Variants in TBC1D22A observed in about 807,000 individuals in gnomAD.
The protein encoded by TBC1D22A is putative GTPase activator.
In TBC1D22A, 38 loss-of-function variants were observed where a neutral mutation model predicts 60.2. That is an observed-to-expected ratio of 0.63 (90% confidence interval 0.49 to 0.83). The LOEUF (loss-of-function observed/expected upper bound fraction) is 0.83, where lower values mean the gene tolerates loss of function less well. TBC1D22A is among the 40% of genes least tolerant of loss of function. TBC1D22A has a pLI of 0.00. For missense variants in TBC1D22A, 628 were observed against 701.0 expected, an observed-to-expected ratio of 0.90 and a Z score of 1.18; for synonymous variants, 302 against 281.7, an observed-to-expected ratio of 1.07 and a Z score of -0.72.
At chr22:46,974,230 G>A (rs780424057) in intron 8 of TBC1D22A, 60 bp from the exon 9 acceptor site, 67 of 1,439,598 alleles carry the variant, frequency 4.7e-5, no homozygotes, top group African/African-American at 9.9e-5. Context: ...GGGCCCCCTC[G>A]TGGGTCGAGG....
At chr22:46,855,171 G>C (rs1418577911) in intron 4 of TBC1D22A, among the ~76,000 whole-genome samples, 1 of 152,126 alleles carries the variant, frequency 6.6e-6, no homozygotes, top group Non-Finnish European at 1.5e-5. Context: ...GGGAAGTGCT[G>C]GTTTATCCCT....
intron 8 of TBC1D22A, among the ~76,000 whole-genome samples, chr22:46,969,338 A>G (rs918954882): frequency 3.9e-5 from 6 of 152,072 alleles, no homozygotes; most frequent in Non-Finnish European, 8.8e-5. Context: ...GAGTGTTCAG[A>G]CATTCCTGTG....
At chr22:47,095,550 C>T (rs867516058) in intron 11 of TBC1D22A, among the ~76,000 whole-genome samples, 23 of 152,284 alleles carry the variant, frequency 1.5e-4, no homozygotes, top group African/African-American at 5.5e-4. Context: ...ATTTTATAAG[C>T]AAAACTAAAT....
intron 11 of TBC1D22A, among the ~76,000 whole-genome samples, chr22:47,056,516 G>A (rs1014783080): frequency 2.6e-5 from 4 of 152,128 alleles, no homozygotes; most frequent in Non-Finnish European, 4.4e-5. Flanking sequence ...CTTGTGCCCC[G>A]TGCCATCCGT....
intron 12 of TBC1D22A, among the ~76,000 whole-genome samples, chr22:47,121,662 T>C (rs113237211): frequency 6.6e-5 from 10 of 152,354 alleles, no homozygotes; most frequent in African/African-American, 1.9e-4. Flanking sequence ...CTAGCCTGAC[T>C]TAGTTTTCAT....
At chr22:46,894,716 T>G in intron 6 of TBC1D22A, 68 bp from the exon 7 acceptor site, 1 of 1,584,748 alleles carries the variant, frequency 6.3e-7, no homozygotes, top group Non-Finnish European at 8.7e-7. Flanking sequence ...ATTGCTGTTT[T>G]AATCATATCG....
chr22:47,043,471 G>C (rs1244352448), intron 11 of TBC1D22A, among the ~76,000 whole-genome samples: 1 of 152,196 alleles, frequency 6.6e-6, no homozygotes, highest in African/African-American at 2.4e-5. Flanking sequence ...GGGACTGAGC[G>C]AGTGAGGGCC....
intron 11 of TBC1D22A, among the ~76,000 whole-genome samples, chr22:47,076,232 A>G (rs1176568206): frequency 6.6e-6 from 1 of 151,922 alleles, no homozygotes; most frequent in Non-Finnish European, 1.5e-5. Flanking sequence ...GAAAACAGAG[A>G]ATAACGTGAA....
intron 11 of TBC1D22A, among the ~76,000 whole-genome samples, chr22:47,099,447 G>GT (rs1169731024): frequency 6.7e-6 from 1 of 150,008 alleles, no homozygotes; most frequent in Non-Finnish European, 1.5e-5. Flanking sequence ...TTTTTCTTTT[G>GT]TTGTTTTTTT....
chr22:47,165,784 C>T (rs1256563544), intron 12 of TBC1D22A, among the ~76,000 whole-genome samples: 1 of 152,062 alleles, frequency 6.6e-6, no homozygotes, highest in Non-Finnish European at 1.5e-5. Flanking sequence ...GGGTCCTCAG[C>T]GGCCTCCCCA....
Position 47,152,010 on chromosome 22 carries a change from C to G in TBC1D22A, c.1426-21488C>G, listed in dbSNP as rs1336889418. ...GTGCGGCCGTGGTCTGGGCCTTACT[C>G]TGCTGGTGGCAGCCCGTGTGAGGGT... On this transcript the variant is annotated intron_variant, in intron 12 of 12. Coordinates refer to ENST00000337137, the MANE Select transcript of TBC1D22A (RefSeq NM_014346.5). Among the ~76,000 whole-genome samples the G allele has an allele frequency of 2.6e-5, 4 of 152,180 alleles. No individual in the cohort carries two copies. In the South Asian group the frequency reaches 6.2e-4, roughly 24 times the overall value.
At chr22:46,954,567 A>T (rs1233056888) in intron 8 of TBC1D22A, among the ~76,000 whole-genome samples, 2 of 152,128 alleles carry the variant, frequency 1.3e-5, no homozygotes, top group Non-Finnish European at 2.9e-5. Flanking sequence ...TCATGACGTC[A>T]CTATGTCTGT....
chr22:46,925,260 G>A (rs867512353), intron 8 of TBC1D22A, among the ~76,000 whole-genome samples: 3 of 152,040 alleles, frequency 2.0e-5, no homozygotes, highest in African/African-American at 4.8e-5. Flanking sequence ...AGTTAATCTC[G>A]GAAACATTGA....
At chr22:47,038,740 A>G (rs980552496) in intron 11 of TBC1D22A, among the ~76,000 whole-genome samples, 1 of 152,154 alleles carries the variant, frequency 6.6e-6, no homozygotes, top group African/African-American at 2.4e-5. Context: ...TGTCTGGTCT[A>G]ATGATCTCAC....
intron 8 of TBC1D22A, among the ~76,000 whole-genome samples, chr22:46,945,104 A>G (rs1303343847): frequency 6.6e-6 from 1 of 152,240 alleles, no homozygotes; most frequent in South Asian, 2.1e-4. Context: ...CTTAGTTCTT[A>G]AAAGTCAGAG....
intron 9 of TBC1D22A, among the ~76,000 whole-genome samples, chr22:46,997,085 G>A (rs2075145242): frequency 6.6e-6 from 1 of 152,208 alleles, no homozygotes; most frequent in South Asian, 2.1e-4. Context: ...TCCTATGTTA[G>A]TGTCTGAACT....
At position 47,173,816 on chromosome 22, in the gene TBC1D22A, G is replaced by C; in HGVS notation, c.*190G>C. 1.1e-6 allele frequency: 1 copy of C among 941,502 alleles called. No homozygotes were observed. Among genetic ancestry groups the C allele is most frequent in the Non-Finnish European group, 1.5e-6 (1 of 657,688 alleles). The allele number at this position is 941,502 out of a possible 1,614,324, so 58.3% of individuals were successfully genotyped here. A position where few individuals can be genotyped will look rare whatever the true frequency, so the allele number is the denominator to read the frequency against. ...GCTGACAAAGACAGGGACAGCCTTT[G>C]TTTTCTGAGATACCAAAGAGAGCCA... On this transcript the variant is annotated 3_prime_UTR_variant, in exon 13 of 13. Coordinates refer to ENST00000337137, the MANE Select transcript of TBC1D22A (RefSeq NM_014346.5).
At chr22:47,124,185 C>T (rs930582911) in intron 12 of TBC1D22A, among the ~76,000 whole-genome samples, 5 of 152,078 alleles carry the variant, frequency 3.3e-5, no homozygotes, top group East Asian at 1.9e-4. Context: ...CCTGCTGCTG[C>T]GGTGGGGGTG....
At chr22:47,090,993 C>T (rs527850934) in intron 11 of TBC1D22A, among the ~76,000 whole-genome samples, 46 of 116,112 alleles carry the variant, frequency 4.0e-4, no homozygotes, top group Non-Finnish European at 3.2e-4. Flanking sequence ...GGAGTGGCCT[C>T]GCAGAGGGGG....
Sources: gnomAD v4.1 joint callset for allele counts (sites outside exome capture counted in the v4.1 genomes callset) on GRCh38, gnomAD v4.1.1 for gene constraint, MANE v1.5 for transcripts, NCBI Gene and HGNC (gene_info 2026-07-23, HGNC 2026-07-21) for gene names.